NEDD4: variants seen among roughly 807,000 people sequenced by gnomAD.
NEDD4 encodes E3 ubiquitin-protein ligase NEDD4.
In NEDD4, 99 loss-of-function variants were observed where a neutral mutation model predicts 144.9. The ratio of observed to expected loss-of-function variants is 0.68; its 90% confidence interval spans 0.58 to 0.81. NEDD4 has a LOEUF of 0.81. NEDD4 is among the 30% of genes least tolerant of loss of function. The pLI, the probability that NEDD4 is intolerant of heterozygous loss-of-function variation, is 0.00. For synonymous variants in NEDD4, 318 were observed against 350.6 expected, an observed-to-expected ratio of 0.91 and a Z score of 1.04; for missense variants, 985 against 1,065.9, an observed-to-expected ratio of 0.92 and a Z score of 1.06.
At chr15:55,948,010 T>C (rs2142292771) in intron 4 of NEDD4, among the ~76,000 whole-genome samples, 1 of 152,298 alleles carries the variant, frequency 6.6e-6, no homozygotes, top group Admixed American at 6.5e-5. Flanking sequence ...GGAAGTCAAA[T>C]TGTCCCTGTT....
chr15:55,871,088 C>A (rs2034777974), intron 7 of NEDD4, among the ~76,000 whole-genome samples: 1 of 152,126 alleles, frequency 6.6e-6, no homozygotes, highest in South Asian at 2.1e-4. Flanking sequence ...ATGGATTTGG[C>A]AAATTTAGTG....
chr15:55,881,465 T>C (rs567424284), intron 5 of NEDD4, among the ~76,000 whole-genome samples: 2 of 152,250 alleles, frequency 1.3e-5, no homozygotes, highest in Admixed American at 1.3e-4. Context: ...TTCCTGTTTT[T>C]ATCACAAGTA....
chr15:55,878,048 A>G (rs1051861342), intron 5 of NEDD4, among the ~76,000 whole-genome samples: 1 of 152,174 alleles, frequency 6.6e-6, no homozygotes, highest in Non-Finnish European at 1.5e-5. Context: ...GATAAATTTT[A>G]CTGGAGAATC....
intron 5 of NEDD4, among the ~76,000 whole-genome samples, chr15:55,887,431 A>G (rs187763181): frequency 5.3e-5 from 8 of 152,324 alleles, no homozygotes; most frequent in Admixed American, 5.2e-4. Flanking sequence ...ATTAAGATTG[A>G]GCCATGAAGA....
intron 13 of NEDD4, among the ~76,000 whole-genome samples, chr15:55,851,353 G>A (rs1393673646): frequency 6.6e-6 from 1 of 151,202 alleles, no homozygotes; most frequent in Non-Finnish European, 1.5e-5. Context: ...TAGACTTACA[G>A]GGCCACAACA....
At chr15:55,979,363 T>G (rs562684872) in intron 1 of NEDD4, among the ~76,000 whole-genome samples, 304 of 109,716 alleles carry the variant, frequency 2.8e-3, no homozygotes, top group Middle Eastern at 9.8e-3. Context: ...TTTTTTTTTT[T>G]TGAGACGGAG....
At chr15:55,857,294 A>G (rs2034233280) in intron 11 of NEDD4, among the ~76,000 whole-genome samples, 1 of 152,170 alleles carries the variant, frequency 6.6e-6, no homozygotes, top group Non-Finnish European at 1.5e-5. Context: ...GGGAGCATAT[A>G]TTAGTGGTAA....
chr15:55,937,987 C>G (rs1440797268), intron 4 of NEDD4, among the ~76,000 whole-genome samples: 4 of 152,050 alleles, frequency 2.6e-5, no homozygotes, highest in African/African-American at 7.2e-5. Context: ...ATAGATAGCT[C>G]AAAAATAAAC....
chr15:55,908,311 T>C (rs796223860), intron 5 of NEDD4, among the ~76,000 whole-genome samples: 20 of 152,366 alleles, frequency 1.3e-4, no homozygotes, highest in African/African-American at 4.6e-4. Context: ...AGAATACTTC[T>C]CTAATCAATT....
intron 5 of NEDD4, among the ~76,000 whole-genome samples, chr15:55,901,843 T>C (rs972162064): frequency 1.3e-5 from 2 of 152,138 alleles, no homozygotes; most frequent in Non-Finnish European, 2.9e-5. Context: ...CTACTCTTTA[T>C]TGAGCATCAA....
chr15:55,939,128 A>AAACAAAC (rs1271661841), intron 4 of NEDD4, among the ~76,000 whole-genome samples: 1 of 151,684 alleles, frequency 6.6e-6, no homozygotes, highest in Non-Finnish European at 1.5e-5. Context: ...AACAACAAAC[A>AAACAAAC]AAAAAACCCA....
At chr15:55,842,805 G>A (rs148999128) in intron 18 of NEDD4, among the ~76,000 whole-genome samples, 10 of 152,304 alleles carry the variant, frequency 6.6e-5, no homozygotes, top group Non-Finnish European at 5.9e-5. Flanking sequence ...TAGCTGTTGT[G>A]CCTGTCTGTT....
rs2033772810 is a variant in NEDD4, at chr15:55,846,945, GTATT to G, written c.1608+20_1608+23del. On this transcript the variant is annotated intron_variant, in intron 18 of 28. Coordinates refer to ENST00000435532, the MANE Select transcript of NEDD4 (RefSeq NM_006154.4). ...CCATCTATATATTGATGACTCTTAA[GTATT>G]TATTATAAACATGACTAACCTGCTT... 1 of 1,399,440 alleles carries G rather than the reference GTATT, an allele frequency of 7.1e-7. No homozygotes were observed. The highest frequency in any genetic ancestry group is 1.7e-5 in the Admixed American group (1 of 58,060). 86.7% of individuals were successfully genotyped at this position (1,399,440 alleles called of 1,614,324 possible). A position where few individuals can be genotyped will look rare whatever the true frequency, so the allele number is the denominator to read the frequency against.
chr15:55,852,520 T>C lies in NEDD4; in HGVS notation c.1050A>G (p.Leu350=). The change falls in exon 13 of 29, where the codon TTA becomes TTG. Residue 350 remains leucine (L), a synonymous_variant. Coordinates refer to ENST00000435532, the MANE Select transcript of NEDD4 (RefSeq NM_006154.4). ...LPVLLPTSSG[L]PPGWEEKQDE... is the part of the protein sequence containing the mutation. The stretch of plus-strand genomic sequence containing the variant: ...CTTGTTTTTCTTCCCAACCTGGTGG[T>C]AATCCAGATGAAGTAGGCAAAAGCT... The C allele has an allele frequency of 6.2e-7, 1 of 1,613,146 alleles. No homozygotes were observed. Among genetic ancestry groups the C allele is most frequent in the Admixed American group, 1.7e-5 (1 of 59,960 alleles).
intron 1 of NEDD4, among the ~76,000 whole-genome samples, chr15:55,988,676 A>C (rs1455759069): frequency 6.6e-6 from 1 of 152,144 alleles, no homozygotes; most frequent in East Asian, 1.9e-4. Flanking sequence ...TTGTTGTATC[A>C]GTGTCCATTT....
chr15:55,966,823 G>C (rs1057257707), intron 1 of NEDD4, among the ~76,000 whole-genome samples: 1 of 152,114 alleles, frequency 6.6e-6, no homozygotes, highest in African/African-American at 2.4e-5. Flanking sequence ...CCAAAGTATT[G>C]CAACTAATAG....
At chr15:55,870,402 G>A (rs1432064230) in intron 7 of NEDD4, among the ~76,000 whole-genome samples, 1 of 151,818 alleles carries the variant, frequency 6.6e-6, no homozygotes, top group Non-Finnish European at 1.5e-5. Context: ...TTTTTATATT[G>A]TATCACCTTT....
At chr15:55,882,898 T>A (rs149837013) in intron 5 of NEDD4, among the ~76,000 whole-genome samples, 1 of 152,244 alleles carries the variant, frequency 6.6e-6, no homozygotes, top group East Asian at 1.9e-4. Flanking sequence ...AGTAACCAGA[T>A]AGTATACATC....
rs2032819626 is a variant in NEDD4 at position 55,829,068 on chromosome 15, A to G, written c.*829T>C. ...AGAAATACTGCTTTGTGGATCTTTA[A>G]TGTTTGAAGAAGGAATTCTTCTAAC... is the stretch of plus-strand genomic sequence containing the variant. On this transcript the variant is annotated 3_prime_UTR_variant, in exon 29 of 29. Coordinates refer to ENST00000435532, the MANE Select transcript of NEDD4 (RefSeq NM_006154.4). 1 of 152,640 alleles carries G rather than the reference A, an allele frequency of 6.6e-6. No individual in the cohort carries two copies. The highest frequency in any genetic ancestry group is 1.5e-5 in the Non-Finnish European group (1 of 68,030). 9.5% of individuals were successfully genotyped at this position (152,640 alleles called of 1,614,324 possible). A position where few individuals can be genotyped will look rare whatever the true frequency, so the allele number is the denominator to read the frequency against.
Sources: allele counts gnomAD v4.1 joint callset (sites outside exome capture counted in the v4.1 genomes callset), GRCh38; gene constraint gnomAD v4.1.1; transcripts MANE v1.5; gene names NCBI Gene and HGNC (gene_info 2026-07-23, HGNC 2026-07-21).